KCNAB1: variants seen among roughly 807,000 people sequenced by gnomAD.
The protein encoded by KCNAB1 is voltage-gated potassium channel subunit beta-1.
Under a neutral mutation model 64.6 loss-of-function variants are expected in KCNAB1, and 35 were observed. The observed-to-expected ratio is 0.54, with a 90% CI of 0.41 to 0.72. The LOEUF (loss-of-function observed/expected upper bound fraction) is 0.72. Ranked by LOEUF, KCNAB1 falls within the 30% of genes least tolerant of loss-of-function variation. The pLI is 0.00. For synonymous variants in KCNAB1, 177 were observed against 183.8 expected (o/e 0.96, Z 0.30); for missense variants, 401 against 512.9 (o/e 0.78, Z 2.11).
chr3:156,514,368 T>C lies in KCNAB1; in HGVS notation c.663T>C (p.Ile221=). 6.2e-7 allele frequency: 1 copy of C among 1,613,710 alleles called. No individual in the cohort carries two copies. The change falls in exon 9 of 14, where the codon ATT becomes ATC. Residue 221 remains isoleucine (I), a synonymous_variant. Coordinates refer to ENST00000490337, the MANE Select transcript of KCNAB1 (RefSeq NM_172160.3). ...RPDSNTPMEE[I]VRAMTHVINQ... ...TGTCTGTTTGACCTTCCACAGAAAT[T>C]GTCCGAGCCATGACACATGTGATAA...
At chr3:156,363,266 A>C (rs978735260) in intron 1 of KCNAB1, among the ~76,000 whole-genome samples, 17 of 152,190 alleles carry the variant, frequency 1.1e-4, no homozygotes, top group Admixed American at 1.0e-3. Context: ...CTAACCTTGA[A>C]GGTTTTAGTA....
chr3:156,485,498 T>C (rs895264290), intron 8 of KCNAB1, among the ~76,000 whole-genome samples: 1 of 152,102 alleles, frequency 6.6e-6, no homozygotes, highest in African/African-American at 2.4e-5. Flanking sequence ...TATTCAAATT[T>C]TCTAAAATGT....
chr3:156,176,394 A>C, intron 1 of KCNAB1: 1 of 787,574 alleles, frequency 1.3e-6, no homozygotes. Context: ...CCAAAGCTTA[A>C]CTGTGCCATC....
intron 1 of KCNAB1, among the ~76,000 whole-genome samples, chr3:156,241,172 G>A (rs1300221121): frequency 1.3e-5 from 2 of 152,332 alleles, no homozygotes; most frequent in East Asian, 1.9e-4. Context: ...TTGAAAGTTA[G>A]CCAAGAAGAC....
In KCNAB1 at chr3:156,330,769, T is replaced by C. The variant is rs114197865; in HGVS notation, c.276-90847T>C. Among the ~76,000 whole-genome samples the C allele has an allele frequency of 4.1e-3, 626 of 152,250 alleles. 2 individuals carry two copies. Among genetic ancestry groups the C allele is most frequent in the Non-Finnish European group, 6.5e-3 (441 of 68,000 alleles). Reference sequence around the variant, plus strand: ...ATGTTTTCTGTGGTCCCTGAGCCTTTTTCTTTTGTCTTTTAGTGCTTTTGG... The same window carrying C: ...ATGTTTTCTGTGGTCCCTGAGCCTTCTTCTTTTGTCTTTTAGTGCTTTTGG... On this transcript the variant is annotated intron_variant, in intron 1 of 13. Coordinates refer to ENST00000490337, the MANE Select transcript of KCNAB1 (RefSeq NM_172160.3).
At chr3:156,464,213 T>G (rs746136566) in intron 6 of KCNAB1, among the ~76,000 whole-genome samples, 9 of 152,134 alleles carry the variant, frequency 5.9e-5, no homozygotes, top group Non-Finnish European at 1.2e-4. Context: ...AAAAGGACCA[T>G]CTCACTGGAG....
At chr3:156,290,301 T>C (rs893317193) in intron 1 of KCNAB1, among the ~76,000 whole-genome samples, 1 of 152,232 alleles carries the variant, frequency 6.6e-6, no homozygotes, top group African/African-American at 2.4e-5. Flanking sequence ...TTGATCTTCA[T>C]TGACTAATAC....
At chr3:156,118,564 T>G (rs6775388), upstream of KCNAB1, among the ~76,000 whole-genome samples, 10,709 of 152,296 alleles carry the variant, frequency 0.07, 1,289 homozygotes, top group African/African-American at 0.24. Flanking sequence ...GATAATTATC[T>G]CTATTTTTAT....
intron 1 of KCNAB1, among the ~76,000 whole-genome samples, chr3:156,152,890 C>G (rs181389324): frequency 2.0e-5 from 3 of 152,210 alleles, no homozygotes; most frequent in Admixed American, 2.0e-4. Flanking sequence ...GGTTAACTCT[C>G]GTTGTAACTT....
intron 1 of KCNAB1, among the ~76,000 whole-genome samples, chr3:156,316,715 A>G (rs772102863): frequency 1.2e-4 from 18 of 152,222 alleles, no homozygotes; most frequent in Non-Finnish European, 2.4e-4. Context: ...GGCCCCTGCC[A>G]GGAGGCAGGT....
chr3:156,512,036 T>C (rs1717248241), intron 8 of KCNAB1, among the ~76,000 whole-genome samples: 1 of 152,240 alleles, frequency 6.6e-6, no homozygotes, highest in Admixed American at 6.5e-5. Flanking sequence ...ACATGATTGC[T>C]CTTCAGTGAG....
chr3:156,379,439 T>G (rs1240995804), intron 1 of KCNAB1, among the ~76,000 whole-genome samples: 1 of 152,148 alleles, frequency 6.6e-6, no homozygotes, highest in Non-Finnish European at 1.5e-5. Context: ...GAATTGTATT[T>G]TTTAAAGGGT....
intron 1 of KCNAB1, among the ~76,000 whole-genome samples, chr3:156,369,544 T>C (rs531950663): frequency 1.4e-4 from 22 of 152,290 alleles, no homozygotes; most frequent in Admixed American, 6.5e-4. Flanking sequence ...GTTGCAAATA[T>C]GTTTTTTAAA....
chr3:156,488,676 A>G (rs1715395497), intron 8 of KCNAB1, among the ~76,000 whole-genome samples: 1 of 152,152 alleles, frequency 6.6e-6, no homozygotes. Context: ...AATACGTTAT[A>G]GGGGCAGCCT....
intron 1 of KCNAB1, among the ~76,000 whole-genome samples, chr3:156,220,557 A>T (rs1715651074): frequency 6.6e-6 from 1 of 151,998 alleles, no homozygotes; most frequent in Non-Finnish European, 1.5e-5. Flanking sequence ...CCACTTTTTG[A>T]TGGAGTTTTG....
intron 1 of KCNAB1, among the ~76,000 whole-genome samples, chr3:156,168,273 A>G (rs1216670983): frequency 6.6e-6 from 1 of 152,156 alleles, no homozygotes; most frequent in Non-Finnish European, 1.5e-5. Flanking sequence ...GCTATACAGC[A>G]TATAAGTATC....
At chr3:156,335,773 T>C (rs1723655973) in intron 1 of KCNAB1, among the ~76,000 whole-genome samples, 1 of 152,002 alleles carries the variant, frequency 6.6e-6, no homozygotes, top group Admixed American at 6.6e-5. Context: ...TAAATCAATA[T>C]TGTGCTTAGA....
intron 1 of KCNAB1, among the ~76,000 whole-genome samples, chr3:156,330,829 G>A (rs899322445): frequency 2.6e-5 from 4 of 152,146 alleles, no homozygotes; most frequent in African/African-American, 9.7e-5. Context: ...CCCAGGGCAC[G>A]CTGCATGGCT....
At chr3:156,328,742 C>A (rs543537365) in intron 1 of KCNAB1, among the ~76,000 whole-genome samples, 1 of 152,082 alleles carries the variant, frequency 6.6e-6, no homozygotes, top group Non-Finnish European at 1.5e-5. Context: ...TGCAGTATAG[C>A]GTAGAAAAGC....
Sources: allele counts gnomAD v4.1 joint callset (sites outside exome capture counted in the v4.1 genomes callset), GRCh38; gene constraint gnomAD v4.1.1; transcripts MANE v1.5; gene names NCBI Gene and HGNC (gene_info 2026-07-23, HGNC 2026-07-21).